VCL: variants seen among roughly 807,000 people sequenced by gnomAD.
VCL encodes vinculin, also known as epididymis luminal protein 114.
A neutral mutation model predicts 125.7 loss-of-function variants in VCL; 47 were observed. The ratio of observed to expected loss-of-function variants is 0.37; its 90% confidence interval spans 0.30 to 0.48. VCL has a LOEUF of 0.48. VCL is among the 20% of genes least tolerant of loss of function. The probability of loss-of-function intolerance (pLI) is 0.99; values close to 1 mark genes in which losing one functional copy is unlikely to be tolerated. For synonymous variants in VCL, 458 were observed against 514.6 expected (o/e 0.89, Z 1.49); for missense variants, 1,069 against 1,455.5 (o/e 0.73, Z 4.32).
chr10:74,021,030 G>C (rs1490596811), intron 1 of VCL, among the ~76,000 whole-genome samples: 2 of 151,954 alleles, frequency 1.3e-5, no homozygotes, highest in Non-Finnish European at 1.5e-5. Context: ...ATGAACATGT[G>C]CCACTTTGGA....
intron 19 of VCL, among the ~76,000 whole-genome samples, chr10:74,113,164 G>A (rs186494077): frequency 1.4e-4 from 22 of 152,334 alleles, no homozygotes; most frequent in Middle Eastern, 3.4e-3. Flanking sequence ...AAAATGAGTA[G>A]GGCCTGGACT....
chr10:74,035,717 G>T (rs1840961803), intron 1 of VCL, among the ~76,000 whole-genome samples: 1 of 152,174 alleles, frequency 6.6e-6, no homozygotes, highest in South Asian at 2.1e-4. Flanking sequence ...GTTTCTCTCG[G>T]CAATGGAATA....
At chr10:74,095,558 C>T in intron 11 of VCL, 98 bp from the exon 12 acceptor site, 1 of 1,517,070 alleles carries the variant, frequency 6.6e-7, no homozygotes, top group Non-Finnish European at 9.1e-7. Context: ...TGCACTCCAG[C>T]TTGGGTGATA....
At position 74,114,405 on chromosome 10, in the gene VCL, C is replaced by CTGCG; in HGVS notation, c.3153+21_3153+24dup. 6.4e-7 allele frequency: 1 copy of CTGCG among 1,573,372 alleles called. No individual in the cohort carries two copies. The highest frequency in any genetic ancestry group is 8.6e-7 in the Non-Finnish European group (1 of 1,164,452). On this transcript the variant is annotated intron_variant, in intron 20 of 21. Transcript: ENST00000211998. ...TCTTACAGGTACTCGGGGAAAGAGG[C>CTGCG]TGCGTGTGTGTGTGTGTGTGTGTGT...
chr10:74,062,818 A>G (rs568469947), intron 2 of VCL, among the ~76,000 whole-genome samples: 1 of 152,066 alleles, frequency 6.6e-6, no homozygotes, highest in Admixed American at 6.6e-5. Context: ...CTATAATCCC[A>G]ACACTTTGGG....
intron 2 of VCL, among the ~76,000 whole-genome samples, chr10:74,067,064 A>G (rs1841581116): frequency 6.6e-6 from 1 of 152,182 alleles, no homozygotes; most frequent in Non-Finnish European, 1.5e-5. Context: ...CTTAAAAACT[A>G]TGAAAATCCT....
Position 74,071,160 on chromosome 10 carries a change from T to C in VCL, c.499+77T>C. ...GCCAAAGGAAAGGGTACCCTCTTCC[T>C]ACTTTTTGCAGAAGATAGGTGAAGA... On this transcript the variant is annotated intron_variant, in intron 4 of 21. Transcript: ENST00000211998. This position sits in a 1 kb window ranked among gnomAD's most constrained non-coding sequence, Gnocchi z 4.1. 5 of 1,409,822 alleles carry C rather than the reference T, an allele frequency of 3.5e-6. No individual in the cohort carries two copies. Among genetic ancestry groups the C allele is most frequent in the South Asian group, 1.2e-5 (1 of 85,394 alleles). 87.3% of individuals were successfully genotyped at this position (1,409,822 alleles called of 1,614,324 possible). A position where few individuals can be genotyped will look rare whatever the true frequency, so the allele number is the denominator to read the frequency against.
At chr10:74,015,020 C>T (rs1327488935) in intron 1 of VCL, among the ~76,000 whole-genome samples, 8 of 151,986 alleles carry the variant, frequency 5.3e-5, no homozygotes, top group South Asian at 2.1e-4. Flanking sequence ...CATTCTATTC[C>T]GGATACTAGA....
intron 1 of VCL, among the ~76,000 whole-genome samples, chr10:74,026,775 T>TAAC: frequency 6.6e-6 from 1 of 152,306 alleles, no homozygotes; most frequent in Middle Eastern, 3.4e-3. Context: ...ACAGATCTGG[T>TAAC]AACAGCACAG....
intron 2 of VCL, among the ~76,000 whole-genome samples, chr10:74,068,498 T>C (rs1841610556): frequency 6.6e-6 from 1 of 152,170 alleles, no homozygotes; most frequent in Admixed American, 6.5e-5. Flanking sequence ...CTAATTTTTG[T>C]ACTTTTGGTA....
At chr10:74,081,933 T>G (rs753310575) in intron 6 of VCL, among the ~76,000 whole-genome samples, 1 of 152,246 alleles carries the variant, frequency 6.6e-6, no homozygotes, top group Non-Finnish European at 1.5e-5. Context: ...TTCAATTGTT[T>G]CTTCCAACCA....
At chr10:74,025,398 G>GA (rs1840751703) in intron 1 of VCL, among the ~76,000 whole-genome samples, 1 of 151,998 alleles carries the variant, frequency 6.6e-6, no homozygotes. Flanking sequence ...AGGATTGCTT[G>GA]AGGCCAGGAG....
At position 74,095,969 on chromosome 10, in the gene VCL, A is replaced by G. The variant is rs1388632663; in HGVS notation, c.1743+114A>G. ...TAATTTCTGGGGTCTAGGGAAAATG[A>G]AAAGAGTGTGACCAAAGATATAAGG... On this transcript the variant is annotated intron_variant, in intron 12 of 21. Transcript: ENST00000211998. The G allele has an allele frequency of 1.1e-5, 14 of 1,298,684 alleles. No homozygotes were observed. In the East Asian group the frequency reaches 3.5e-4, roughly 32 times the overall value. The allele number at this position is 1,298,684 out of a possible 1,614,324, so 80.4% of individuals were successfully genotyped here. A position where few individuals can be genotyped will look rare whatever the true frequency, so the allele number is the denominator to read the frequency against.
chr10:74,088,099 A>G (rs1427336384), intron 8 of VCL, among the ~76,000 whole-genome samples: 4 of 152,252 alleles, frequency 2.6e-5, no homozygotes, highest in South Asian at 4.1e-4. Context: ...TCCTAAAAAT[A>G]GAAGTTCTGA....
chr10:74,072,886 G>GA (rs746949533), intron 5 of VCL, 34 bp downstream of exon 5: 4 of 1,612,862 alleles, frequency 2.5e-6, no homozygotes, highest in Admixed American at 1.7e-5. Flanking sequence ...TTATAGGGGG[G>GA]AAAAATGTTA....
chr10:74,028,700 A>G (rs1274951913), intron 1 of VCL, among the ~76,000 whole-genome samples: 1 of 149,538 alleles, frequency 6.7e-6, no homozygotes, highest in African/African-American at 2.5e-5. Flanking sequence ...CCTGGCAAGT[A>G]ATCTTTTTAA....
chr10:74,028,458 G>A (rs552927505), intron 1 of VCL, among the ~76,000 whole-genome samples: 3 of 149,328 alleles, frequency 2.0e-5, no homozygotes, highest in Non-Finnish European at 4.4e-5. Flanking sequence ...GTGCAATGGC[G>A]TGATCTTGGC....
intron 2 of VCL, among the ~76,000 whole-genome samples, chr10:74,057,687 T>C (rs542748129): frequency 6.6e-6 from 1 of 152,256 alleles, no homozygotes; most frequent in East Asian, 1.9e-4. Context: ...ATCCCAGCAC[T>C]TTGGGAGGCT....
At chr10:74,009,222 C>G (rs546798818) in intron 1 of VCL, among the ~76,000 whole-genome samples, 16 of 117,036 alleles carry the variant, frequency 1.4e-4, no homozygotes, top group Admixed American at 8.0e-4. Flanking sequence ...GCTTTCCCCC[C>G]CCCCCCCCGA....
Sources: allele counts gnomAD v4.1 joint callset (sites outside exome capture counted in the v4.1 genomes callset), GRCh38; gene constraint gnomAD v4.1.1; non-coding constraint Gnocchi (gnomAD v3.1); transcripts MANE v1.5; gene names NCBI Gene and HGNC (gene_info 2026-07-23, HGNC 2026-07-21).